The following CFAP47 variants were observed in gnomAD, a reference collection of about 807,000 sequenced individuals.
The protein encoded by CFAP47 is cilia and flagella associated protein 47, also known as cilia- and flagella-associated protein 47.
A neutral mutation model predicts 148.1 loss-of-function variants in CFAP47; 29 were observed. The ratio of observed to expected loss-of-function variants is 0.20; its 90% CI spans 0.15 to 0.27. CFAP47 has a LOEUF of 0.27. Among genes scored for constraint, CFAP47 ranks in the 10% least tolerant of loss-of-function variants. The pLI is 1.00. For missense variants in CFAP47, 1,872 were observed against 1,697.5 expected, an observed-to-expected ratio of 1.10 and a Z score of -1.81; for synonymous variants, 664 against 577.3, an observed-to-expected ratio of 1.15 and a Z score of -2.15.
intron 50 of CFAP47, among the ~76,000 whole-genome samples, chrX:36,282,832 T>G (rs966705634): frequency 2.7e-5 from 3 of 112,118 alleles, no homozygotes; most frequent in African/African-American, 9.7e-5. Flanking sequence ...TTATAGTATA[T>G]TTAAACTTTT....
At chrX:36,233,537 C>T (rs1602059554) in intron 46 of CFAP47, among the ~76,000 whole-genome samples, 1 of 111,506 alleles carries the variant, frequency 9.0e-6, no homozygotes, top group East Asian at 2.8e-4. Flanking sequence ...TTCCTGAATA[C>T]AGCACACTGA....
intron 33 of CFAP47, among the ~76,000 whole-genome samples, chrX:36,123,735 G>A (rs112176352): frequency 2.7e-5 from 3 of 111,436 alleles, no homozygotes; most frequent in African/African-American, 9.8e-5. Context: ...CAAAAGTCAA[G>A]TTCTGGAATC....
At chrX:36,170,854 TC>T (rs1229913076) in intron 39 of CFAP47, among the ~76,000 whole-genome samples, 1 of 107,792 alleles carries the variant, frequency 9.3e-6, no homozygotes, top group Non-Finnish European at 1.9e-5. Context: ...TAGTTCTAGA[TC>T]CCTGAGGAAT....
chrX:35,971,254 C>T lies in CFAP47; in HGVS notation c.1970+331C>T, dbSNP rs140019453. 5.8e-3 allele frequency among the ~76,000 whole-genome samples: 643 copies of T among 111,581 alleles called. 7 individuals carry two copies. The highest frequency in any genetic ancestry group is 0.02 in the African/African-American group (616 of 30,697). On this transcript the variant is annotated intron_variant, in intron 11 of 63. Transcript: ENST00000378653. Reference sequence around the variant, plus strand: ...GTGAGAGCTGAGGAAAAATGTGTTTCAAATAAAGTTGACACTCAGGGTCTC... The same window carrying T: ...GTGAGAGCTGAGGAAAAATGTGTTTTAAATAAAGTTGACACTCAGGGTCTC...
chrX:35,951,739 AC>A (rs1936168710), intron 5 of CFAP47, 63 bp from the exon 6 acceptor site: 3 of 1,007,814 alleles, frequency 3.0e-6, no homozygotes, highest in Non-Finnish European at 3.8e-6. Context: ...TTATTTTGTA[AC>A]CTCCTCAAAA....
chrX:36,193,310 TA>T (rs1939884889), intron 42 of CFAP47, among the ~76,000 whole-genome samples: 1 of 112,276 alleles, frequency 8.9e-6, no homozygotes, highest in South Asian at 3.6e-4. Flanking sequence ...AACATTAAAC[TA>T]TATTATGCTA....
chrX:36,011,455 AG>A (rs1361892261), intron 21 of CFAP47, among the ~76,000 whole-genome samples: 1 of 111,735 alleles, frequency 8.9e-6, no homozygotes, highest in Non-Finnish European at 1.9e-5. Flanking sequence ...TTTCTCCAAA[AG>A]CTCTCCTACT....
chrX:35,977,404 C>T lies in CFAP47; in HGVS notation c.2713+1491C>T, dbSNP rs773290924. ...AAATAAATGGGTAGCCATTTTATTA[C>T]GAAAATTTTCTAAATCTGTTTGGAA... On this transcript the variant is annotated intron_variant, in intron 15 of 63. Coordinates refer to ENST00000378653, the MANE Select transcript of CFAP47 (RefSeq NM_001304548.2). 1.6e-4 allele frequency among the ~76,000 whole-genome samples: 18 copies of T among 111,447 alleles called. No homozygotes were observed. In the South Asian group the frequency reaches 3.8e-3, roughly 23 times the overall value.
intron 2 of CFAP47, among the ~76,000 whole-genome samples, chrX:35,932,603 C>A (rs1003842801): frequency 9.2e-6 from 1 of 108,409 alleles, no homozygotes; most frequent in African/African-American, 3.4e-5. Context: ...TTATTATTTC[C>A]TGACTTTCTG....
intron 44 of CFAP47, among the ~76,000 whole-genome samples, chrX:36,203,946 A>G (rs1442380289): frequency 8.9e-6 from 1 of 111,836 alleles, no homozygotes; most frequent in Non-Finnish European, 1.9e-5. Context: ...TAAATTCACA[A>G]AATTGTCTTT....
intron 49 of CFAP47, among the ~76,000 whole-genome samples, chrX:36,270,651 T>C (rs1215404728): frequency 9.6e-6 from 1 of 104,133 alleles, no homozygotes; most frequent in African/African-American, 3.5e-5. Flanking sequence ...AGTGAATATA[T>C]ATAATTATAT....
At chrX:36,322,344 G>T (rs10217977) in intron 57 of CFAP47, among the ~76,000 whole-genome samples, 5,645 of 109,669 alleles carry the variant, frequency 0.051, 390 homozygotes, top group African/African-American at 0.18. Context: ...ATCAAGTCCC[G>T]CCCAAATCCC....
At chrX:36,306,628 G>T in intron 54 of CFAP47, 144 bp from the exon 55 acceptor site, 2 of 328,418 alleles carry the variant, frequency 6.1e-6, no homozygotes, top group South Asian at 6.7e-5. Context: ...CAAGGAGCAG[G>T]CATACTGAGA....
chrX:36,189,522 C>A (rs1555986188), intron 41 of CFAP47, among the ~76,000 whole-genome samples: 1 of 111,582 alleles, frequency 9.0e-6, no homozygotes. Flanking sequence ...TGCATTCTAG[C>A]ATACAATTTG....
chrX:36,323,389 G>A (rs1941493183), intron 57 of CFAP47, among the ~76,000 whole-genome samples: 1 of 109,330 alleles, frequency 9.1e-6, no homozygotes, highest in Admixed American at 9.8e-5. Context: ...TTAGGTAGAG[G>A]AAGTGATATG....
intron 25 of CFAP47, among the ~76,000 whole-genome samples, chrX:36,041,163 A>C (rs1937399300): frequency 9.0e-6 from 1 of 111,449 alleles, no homozygotes; most frequent in Admixed American, 9.6e-5. Context: ...ATATAAAAAT[A>C]TATACAAAAC....
chrX:36,370,705 A>G (rs1941924317), intron 62 of CFAP47, among the ~76,000 whole-genome samples: 1 of 111,138 alleles, frequency 9.0e-6, no homozygotes, highest in Non-Finnish European at 1.9e-5. Flanking sequence ...GTTATCTTGA[A>G]GATCTAGGGA....
At position 36,303,891 on chromosome X, in the gene CFAP47, A is replaced by C; in HGVS notation, c.8013A>C (p.Glu2671Asp). The C allele has an allele frequency of 8.7e-7, 1 of 1,150,523 alleles. No homozygotes were observed. Among genetic ancestry groups the C allele is most frequent in the South Asian group, 2.0e-5 (1 of 51,039 alleles). The allele number at this position is 1,150,523 out of a possible 1,213,427, so 94.8% of individuals were successfully genotyped here. A position where few individuals can be genotyped will look rare whatever the true frequency, so the allele number is the denominator to read the frequency against. The change falls in exon 54 of 64, where the codon GAA becomes GAC. Residue 2671 changes from glutamate to aspartate, a missense_variant. Glu to Asp is a conservative substitution (Grantham distance 45). Transcript: ENST00000378653. ...QIIPLVNCTH[E>D]TLKLQVTNSN... is the part of the protein sequence containing the mutation. ...TTCCTTTAGTTAATTGTACGCATGA[A>C]ACCTTAAAATTGCAAGTAACAAACA... is the stretch of plus-strand genomic sequence containing the variant.
At chrX:36,148,996 A>C in intron 36 of CFAP47, 112 bp from the exon 37 acceptor site, 1 of 246,299 alleles carries the variant, frequency 4.1e-6, no homozygotes, top group Non-Finnish European at 7.1e-6. Flanking sequence ...ATTATAAATA[A>C]GTATATTTAT....
Sources: allele counts gnomAD v4.1 joint callset (sites outside exome capture counted in the v4.1 genomes callset), GRCh38; gene constraint gnomAD v4.1.1; transcripts MANE v1.5; gene names NCBI Gene and HGNC (gene_info 2026-07-23, HGNC 2026-07-21).